Variants in PRKG1 observed in about 807,000 individuals in gnomAD.
PRKG1 encodes the protein protein kinase cGMP-dependent 1.
Under a neutral mutation model 88.1 loss-of-function variants are expected in PRKG1, and 35 were observed. The observed-to-expected ratio is 0.40, with a 90% CI of 0.30 to 0.53. The LOEUF (loss-of-function observed/expected upper bound fraction) is 0.53, where lower values mean the gene tolerates loss of function less well. PRKG1 is among the 20% of genes least tolerant of loss of function. The pLI is 0.59. For missense variants in PRKG1, 540 were observed against 839.8 expected (o/e 0.64, Z 4.41); for synonymous variants, 303 against 292.5 (o/e 1.04, Z -0.37).
intron 3 of PRKG1, among the ~76,000 whole-genome samples, chr10:51,632,088 A>G (rs942153256): frequency 3.6e-5 from 3 of 83,220 alleles, no homozygotes; most frequent in African/African-American, 3.6e-5. Context: ...TTGAAACATT[A>G]TGAGATTTTT....
At chr10:51,528,194 G>A (rs1454735303) in intron 3 of PRKG1, among the ~76,000 whole-genome samples, 3 of 152,206 alleles carry the variant, frequency 2.0e-5, no homozygotes, top group Admixed American at 6.5e-5. Flanking sequence ...CAGTGAGCTA[G>A]AGCCACTAAT....
intron 2 of PRKG1, among the ~76,000 whole-genome samples, chr10:51,199,352 T>C (rs1837853376): frequency 6.6e-6 from 1 of 152,186 alleles, no homozygotes; most frequent in Non-Finnish European, 1.5e-5. Flanking sequence ...ACTGCTCTTA[T>C]GATATAACAC....
chr10:52,083,204 T>C (rs1846824310), intron 7 of PRKG1, among the ~76,000 whole-genome samples: 1 of 152,094 alleles, frequency 6.6e-6, no homozygotes, highest in South Asian at 2.1e-4. Context: ...TAATTTGATG[T>C]TTTTCGTAAA....
At chr10:51,126,943 C>G (rs1466685651) in intron 1 of PRKG1, among the ~76,000 whole-genome samples, 1 of 152,138 alleles carries the variant, frequency 6.6e-6, no homozygotes, top group Non-Finnish European at 1.5e-5. Context: ...TTTCCTTACA[C>G]CTTGCATAAA....
chr10:52,088,436 C>G (rs1277452342), intron 7 of PRKG1, among the ~76,000 whole-genome samples: 2 of 151,950 alleles, frequency 1.3e-5, no homozygotes, highest in African/African-American at 4.8e-5. Context: ...GTTGTGTCCT[C>G]TTCAAAATCC....
At position 51,367,087 on chromosome 10, in the gene PRKG1, GT is replaced by G. The variant is rs550453421; in HGVS notation, c.479-100631del. Among the ~76,000 whole-genome samples, 71 of 151,878 alleles carry G rather than the reference GT, an allele frequency of 4.7e-4. 1 individual carries two copies. The highest frequency in any genetic ancestry group is 1.6e-3 in the African/African-American group (68 of 41,472). On this transcript the variant is annotated intron_variant, in intron 2 of 17. Coordinates refer to ENST00000373980, the MANE Select transcript of PRKG1 (RefSeq NM_006258.4). ...AGGGATTACCCATTTGTTTTACTAG[GT>G]TTTTCCTCTCTTTGAGCAGTTTCAT...
intron 3 of PRKG1, 104 bp downstream of exon 3, chr10:51,467,940 C>T (rs1839951631): frequency 1.0e-6 from 1 of 989,140 alleles, no homozygotes. Context: ...ACTTTTATTT[C>T]TTTGTATTTT....
intron 3 of PRKG1, among the ~76,000 whole-genome samples, chr10:51,692,395 A>G (rs1841167678): frequency 6.6e-6 from 1 of 152,036 alleles, no homozygotes. Flanking sequence ...GGTGCCCACC[A>G]CCACGCCCCT....
intron 2 of PRKG1, among the ~76,000 whole-genome samples, chr10:51,254,335 G>C (rs547609892): frequency 2.6e-5 from 4 of 151,998 alleles, no homozygotes; most frequent in Admixed American, 2.6e-4. Context: ...ATTTTTGCAT[G>C]TTATTGTGAA....
intron 3 of PRKG1, among the ~76,000 whole-genome samples, chr10:51,602,435 T>A (rs1454214912): frequency 6.6e-6 from 1 of 152,150 alleles, no homozygotes; most frequent in Non-Finnish European, 1.5e-5. Context: ...TTTGGGTTTT[T>A]TTTCTTTTTT....
rs907674356 is a variant in PRKG1, at chr10:51,812,574, C to T, written c.698+7884C>T. On this transcript the variant is annotated intron_variant, in intron 4 of 17. Coordinates refer to ENST00000373980, the MANE Select transcript of PRKG1 (RefSeq NM_006258.4). Reference sequence around the variant, plus strand: ...GATCAGACTGGCAGCAGACCACCAACGAGTGACCATGACTTTTTTTGGTGC... The same window carrying T: ...GATCAGACTGGCAGCAGACCACCAATGAGTGACCATGACTTTTTTTGGTGC... Among the ~76,000 whole-genome samples the T allele has an allele frequency of 7.9e-5, 12 of 152,128 alleles. No individual in the cohort carries two copies. The East Asian group carries it at 2.3e-3, about 29-fold the overall frequency.
chr10:51,294,833 G>A lies in PRKG1; in HGVS notation c.478+141503G>A, dbSNP rs529041679. Among the ~76,000 whole-genome samples the A allele has an allele frequency of 2.6e-5, 4 of 152,212 alleles. No homozygotes were observed. In the South Asian group the frequency reaches 6.2e-4, roughly 24 times the overall value. On this transcript the variant is annotated intron_variant, in intron 2 of 17. Coordinates refer to ENST00000373980, the MANE Select transcript of PRKG1 (RefSeq NM_006258.4). ...TTACTCCAGTAATCCCATCACTTTAGAGGCTGAGACAGGAGGATCACTTGA... is the reference window on the plus strand; with the variant it reads ...TTACTCCAGTAATCCCATCACTTTAAAGGCTGAGACAGGAGGATCACTTGA...
chr10:52,100,449 C>T (rs557775860), intron 7 of PRKG1, among the ~76,000 whole-genome samples: 5 of 152,106 alleles, frequency 3.3e-5, no homozygotes, highest in African/African-American at 7.2e-5. Flanking sequence ...ACAATGAAAC[C>T]GTTTTTATTT....
At chr10:51,329,408 T>G (rs369635451) in intron 2 of PRKG1, among the ~76,000 whole-genome samples, 2 of 152,346 alleles carry the variant, frequency 1.3e-5, no homozygotes, top group East Asian at 3.9e-4. Flanking sequence ...CTGTCTCTTC[T>G]GTTCCATTGG....
At chr10:51,004,663 G>A (rs1200599131) in intron 1 of PRKG1, among the ~76,000 whole-genome samples, 2 of 151,812 alleles carry the variant, frequency 1.3e-5, no homozygotes, top group African/African-American at 2.4e-5. Flanking sequence ...ATGTTTACAT[G>A]CCCTTTTACT....
At chr10:51,469,861 T>A (rs1323607891) in intron 3 of PRKG1, among the ~76,000 whole-genome samples, 1 of 151,924 alleles carries the variant, frequency 6.6e-6, no homozygotes, top group African/African-American at 2.4e-5. Context: ...AATATATATC[T>A]GCATTTATAG....
intron 3 of PRKG1, among the ~76,000 whole-genome samples, chr10:51,620,352 A>G (rs907592699): frequency 1.8e-4 from 28 of 152,098 alleles, no homozygotes; most frequent in Admixed American, 2.6e-4. Context: ...TTCTGTGGTC[A>G]TTTGGCTCTC....
chr10:51,867,761 T>A (rs1396699263), intron 4 of PRKG1, among the ~76,000 whole-genome samples: 1 of 152,162 alleles, frequency 6.6e-6, no homozygotes, highest in Non-Finnish European at 1.5e-5. Flanking sequence ...GAAAATGATA[T>A]GCAGAGTGAA....
intron 4 of PRKG1, among the ~76,000 whole-genome samples, chr10:51,821,113 C>T (rs908096172): frequency 6.6e-6 from 1 of 152,128 alleles, no homozygotes; most frequent in African/African-American, 2.4e-5. Flanking sequence ...AGTATGTACT[C>T]TTCTGTGTCT....
Sources: allele counts gnomAD v4.1 joint callset (sites outside exome capture counted in the v4.1 genomes callset), GRCh38; gene constraint gnomAD v4.1.1; transcripts MANE v1.5; gene names NCBI Gene and HGNC (gene_info 2026-07-23, HGNC 2026-07-21).